The following RALGAPA2 variants were observed in gnomAD, a reference collection of about 807,000 sequenced individuals.
RALGAPA2 encodes the protein Ral GTPase activating protein catalytic subunit alpha 2.
Under a neutral mutation model 230.4 loss-of-function variants are expected in RALGAPA2, and 139 were observed. The observed-to-expected ratio is 0.60, with a 90% confidence interval of 0.53 to 0.69. The LOEUF (loss-of-function observed/expected upper bound fraction) is 0.69, where lower values mean the gene tolerates loss of function less well. Among genes scored for constraint, RALGAPA2 ranks in the 30% least tolerant of loss-of-function variants. The probability of loss-of-function intolerance (pLI) is 0.00; values close to 1 mark genes in which losing one functional copy is unlikely to be tolerated. For synonymous variants in RALGAPA2, 847 were observed against 837.8 expected, an observed-to-expected ratio of 1.01 and a Z score of -0.19; for missense variants, 2,163 against 2,276.0, an observed-to-expected ratio of 0.95 and a Z score of 1.01.
intron 20 of RALGAPA2, among the ~76,000 whole-genome samples, chr20:20,576,245 G>T (rs1467553789): frequency 6.6e-6 from 1 of 152,002 alleles, no homozygotes; most frequent in African/African-American, 2.4e-5. Flanking sequence ...AATACTAAAA[G>T]ATTATTATAA....
At chr20:20,503,645 A>C (rs965534515) in intron 34 of RALGAPA2, 139 bp from the exon 35 acceptor site, 23 of 658,772 alleles carry the variant, frequency 3.5e-5, no homozygotes, top group Non-Finnish European at 6.7e-6. Flanking sequence ...AATGTAATAC[A>C]AAGTTAGACC....
chr20:20,402,739 G>A (rs2059872651), intron 38 of RALGAPA2, among the ~76,000 whole-genome samples: 1 of 152,198 alleles, frequency 6.6e-6, no homozygotes, highest in Non-Finnish European at 1.5e-5. Context: ...CATGGAAGTT[G>A]TCCCCCATCC....
At chr20:20,648,431 T>C (rs565784245) in intron 4 of RALGAPA2, among the ~76,000 whole-genome samples, 1 of 152,282 alleles carries the variant, frequency 6.6e-6, no homozygotes, top group East Asian at 1.9e-4. Flanking sequence ...ATCTTGATGG[T>C]AGTAATGATT....
intron 9 of RALGAPA2, among the ~76,000 whole-genome samples, chr20:20,634,910 G>A (rs1484680921): frequency 2.6e-5 from 4 of 152,208 alleles, no homozygotes; most frequent in Admixed American, 2.6e-4. Context: ...TCTGGGAAGA[G>A]GTGGGCTTCT....
At chr20:20,511,063 T>C (rs1296090992) in intron 33 of RALGAPA2, among the ~76,000 whole-genome samples, 191 bp downstream of exon 33, 2 of 152,152 alleles carry the variant, frequency 1.3e-5, no homozygotes, top group African/African-American at 2.4e-5. Flanking sequence ...TTTTAGTGTA[T>C]CAAACATGAA....
chr20:20,658,771 C>A (rs555415201), intron 3 of RALGAPA2, among the ~76,000 whole-genome samples: 3 of 152,186 alleles, frequency 2.0e-5, no homozygotes, highest in Non-Finnish European at 4.4e-5. Context: ...GGAGTCTACA[C>A]AAGATGCTAT....
chr20:20,685,229 G>A (rs949189456), intron 1 of RALGAPA2, among the ~76,000 whole-genome samples: 3 of 151,974 alleles, frequency 2.0e-5, no homozygotes, highest in African/African-American at 4.8e-5. Context: ...CAACAAGTGC[G>A]GTGCTAAGCT....
chr20:20,438,294 T>G (rs1401222884), intron 37 of RALGAPA2, among the ~76,000 whole-genome samples: 1 of 152,252 alleles, frequency 6.6e-6, no homozygotes, highest in Non-Finnish European at 1.5e-5. Context: ...TTATTGGACC[T>G]ACTACTAGAG....
rs542128220 is a variant in RALGAPA2, at chr20:20,547,891, A to G, written c.3157-1059T>C. On this transcript the variant is annotated intron_variant, in intron 23 of 39. Coordinates refer to ENST00000202677, the MANE Select transcript of RALGAPA2 (RefSeq NM_020343.4). ...CATCCAGGATACAAATGTGCACAAC[A>G]TGTTACTATACCGAATAGTGTAGGC... Among the ~76,000 whole-genome samples the G allele has an allele frequency of 2.6e-5, 4 of 152,334 alleles. No individual in the cohort carries two copies. The South Asian group carries it at 8.3e-4, about 32-fold the overall frequency.
chr20:20,627,727 T>C lies in RALGAPA2; in HGVS notation c.1233+1636A>G, dbSNP rs533264399. Reference sequence around the variant, plus strand: ...AACCGGCCTCTGTAGCATTGCATTATGCTTTCCGGCTCCTGGTGTGGTATA... The same window carrying C: ...AACCGGCCTCTGTAGCATTGCATTACGCTTTCCGGCTCCTGGTGTGGTATA... On this transcript the variant is annotated intron_variant, in intron 10 of 39. Transcript: ENST00000202677. 2.0e-5 allele frequency among the ~76,000 whole-genome samples: 3 copies of C among 152,374 alleles called. No homozygotes were observed. In the East Asian group the frequency reaches 5.8e-4, roughly 29 times the overall value.
chr20:20,561,516 G>GAATT (rs1018736404), intron 23 of RALGAPA2, among the ~76,000 whole-genome samples: 21 of 152,294 alleles, frequency 1.4e-4, no homozygotes, highest in African/African-American at 4.6e-4. Context: ...GTTAACTTCA[G>GAATT]AATTAATCAG....
chr20:20,665,112 C>T (rs568405725), intron 3 of RALGAPA2, among the ~76,000 whole-genome samples: 10 of 152,254 alleles, frequency 6.6e-5, no homozygotes, highest in African/African-American at 1.9e-4. Flanking sequence ...ATCAACTTAC[C>T]AAAACTGCAT....
intron 4 of RALGAPA2, among the ~76,000 whole-genome samples, chr20:20,650,937 T>G (rs927709691): frequency 6.6e-6 from 1 of 152,186 alleles, no homozygotes; most frequent in African/African-American, 2.4e-5. Context: ...AAACTGAAGT[T>G]CTTCTGTGTA....
chr20:20,656,637 A>C (rs142266506), intron 3 of RALGAPA2, among the ~76,000 whole-genome samples: 25 of 152,358 alleles, frequency 1.6e-4, no homozygotes, highest in African/African-American at 6.0e-4. Context: ...TGTTATGTCA[A>C]GTTACATTAC....
chr20:20,441,021 G>A (rs2060726460), intron 37 of RALGAPA2, among the ~76,000 whole-genome samples: 2 of 152,228 alleles, frequency 1.3e-5, no homozygotes, highest in Non-Finnish European at 2.9e-5. Flanking sequence ...CATGGATCCT[G>A]GCTCTTTTAT....
At position 20,393,172 on chromosome 20, in the gene RALGAPA2, G is replaced by A. The variant is rs2059632492; in HGVS notation, c.*117C>T. On this transcript the variant is annotated 3_prime_UTR_variant, in exon 40 of 40. Transcript: ENST00000202677. ...GGAGATTCTGGGTTTAGTGGCTCGGGGCAGAGGCAGGAGAGGGTGTTCTGT... is the reference window on the plus strand; with the variant it reads ...GGAGATTCTGGGTTTAGTGGCTCGGAGCAGAGGCAGGAGAGGGTGTTCTGT... 2 of 1,351,976 alleles carry A rather than the reference G, an allele frequency of 1.5e-6. No homozygotes were observed. The highest frequency in any genetic ancestry group is 2.0e-6 in the Non-Finnish European group (2 of 1,015,158). The allele number at this position is 1,351,976 out of a possible 1,614,324, so 83.7% of individuals were successfully genotyped here.
chr20:20,417,243 C>G (rs2060185246), intron 37 of RALGAPA2, among the ~76,000 whole-genome samples: 1 of 152,198 alleles, frequency 6.6e-6, no homozygotes, highest in Non-Finnish European at 1.5e-5. Context: ...CTTAAGCCTC[C>G]TTATGTTAGT....
chr20:20,535,726 C>A lies in RALGAPA2; in HGVS notation c.3473+19G>T, dbSNP rs756415038. 344 of 1,541,160 alleles carry A rather than the reference C, an allele frequency of 2.2e-4. No individual in the cohort carries two copies. Among genetic ancestry groups the A allele is most frequent in the Non-Finnish European group, 2.9e-4 (333 of 1,143,364 alleles). On this transcript the variant is annotated intron_variant, in intron 26 of 39. Transcript: ENST00000202677. ...TATCTTAAAATTCTAAAATAGTTTA[C>A]CTCTTATTCAACATTTACCTTGCAT...
chr20:20,593,711 T>C (rs1448745239), intron 16 of RALGAPA2, among the ~76,000 whole-genome samples: 1 of 152,206 alleles, frequency 6.6e-6, no homozygotes, highest in African/African-American at 2.4e-5. Context: ...CAAAAACAGA[T>C]AGATGTTGGT....
Sources: allele counts gnomAD v4.1 joint callset (sites outside exome capture counted in the v4.1 genomes callset), GRCh38; gene constraint gnomAD v4.1.1; transcripts MANE v1.5; gene names NCBI Gene and HGNC (gene_info 2026-07-23, HGNC 2026-07-21).